The following ARHGAP15 variants were observed in gnomAD, a reference collection of about 807,000 sequenced individuals.
ARHGAP15 encodes rho GTPase-activating protein 15.
ARHGAP15 carries 51 observed loss-of-function variants against 63.7 expected under a neutral mutation model. That is an observed-to-expected ratio of 0.80 (90% CI 0.64 to 1.01). The LOEUF is 1.01. Ranked by LOEUF, ARHGAP15 falls within the 50% of genes least tolerant of loss-of-function variation. ARHGAP15 has a pLI of 0.00. For synonymous variants in ARHGAP15, 191 were observed against 193.8 expected, an observed-to-expected ratio of 0.99 and a Z score of 0.12; for missense variants, 560 against 564.6, an observed-to-expected ratio of 0.99 and a Z score of 0.08.
chr2:143,378,989 T>C (rs1325992201), intron 6 of ARHGAP15, among the ~76,000 whole-genome samples: 1 of 151,896 alleles, frequency 6.6e-6, no homozygotes, highest in Non-Finnish European at 1.5e-5. Flanking sequence ...TTTTATTTTT[T>C]ATTTATTTAT....
chr2:143,754,068 G>T (rs1686482850), intron 13 of ARHGAP15, among the ~76,000 whole-genome samples: 1 of 152,064 alleles, frequency 6.6e-6, no homozygotes, highest in African/African-American at 2.4e-5. Flanking sequence ...TTATTTTTCA[G>T]GCCCTATTCT....
chr2:143,185,433 C>T (rs935411477), intron 2 of ARHGAP15, among the ~76,000 whole-genome samples: 3 of 152,098 alleles, frequency 2.0e-5, no homozygotes, highest in African/African-American at 7.2e-5. Context: ...TCTGATTGTG[C>T]TGGGACCAGG....
At chr2:143,458,414 T>C (rs1432227042) in intron 8 of ARHGAP15, among the ~76,000 whole-genome samples, 1 of 152,148 alleles carries the variant, frequency 6.6e-6, no homozygotes, top group Non-Finnish European at 1.5e-5. Context: ...ACCCTTGTTT[T>C]CCAGGAAATT....
At chr2:143,389,109 T>TATA (rs1687428827) in intron 6 of ARHGAP15, among the ~76,000 whole-genome samples, 1 of 60,230 alleles carries the variant, frequency 1.7e-5, no homozygotes, top group Non-Finnish European at 5.2e-5. Context: ...ACTCAGACAT[T>TATA]ATTATTATTA....
chr2:143,703,354 C>G, intron 12 of ARHGAP15, 65 bp from the exon 13 acceptor site: 1 of 1,347,146 alleles, frequency 7.4e-7, no homozygotes, highest in Admixed American at 2.4e-5. Context: ...AGAAAATTTT[C>G]TCATGTACCT....
At chr2:143,335,258 A>G (rs1403200558) in intron 6 of ARHGAP15, among the ~76,000 whole-genome samples, 2 of 152,248 alleles carry the variant, frequency 1.3e-5, no homozygotes, top group Non-Finnish European at 2.9e-5. Context: ...CTGTGCAGTG[A>G]GAAAATCACT....
At chr2:143,490,224 C>T (rs1692526530) in intron 9 of ARHGAP15, among the ~76,000 whole-genome samples, 1 of 152,154 alleles carries the variant, frequency 6.6e-6, no homozygotes, top group Non-Finnish European at 1.5e-5. Flanking sequence ...TGGTCTCAAT[C>T]TCCTGACCTC....
chr2:143,463,063 T>C (rs1460148487), intron 8 of ARHGAP15, among the ~76,000 whole-genome samples: 1 of 152,046 alleles, frequency 6.6e-6, no homozygotes, highest in Non-Finnish European at 1.5e-5. Context: ...TCTTGAAACA[T>C]GAGATATTTT....
chr2:143,255,848 C>T (rs984950007), intron 6 of ARHGAP15, among the ~76,000 whole-genome samples: 6 of 151,696 alleles, frequency 4.0e-5, no homozygotes, highest in African/African-American at 7.3e-5. Flanking sequence ...TTAAAAGACA[C>T]GGCATTAAAA....
chr2:143,711,048 T>A (rs1325697913), intron 13 of ARHGAP15, among the ~76,000 whole-genome samples: 1 of 152,236 alleles, frequency 6.6e-6, no homozygotes, highest in East Asian at 1.9e-4. Flanking sequence ...GCCTGCCTCC[T>A]GTTTTTGTCA....
intron 6 of ARHGAP15, among the ~76,000 whole-genome samples, chr2:143,322,535 C>T (rs1684072061): frequency 6.6e-6 from 1 of 152,018 alleles, no homozygotes; most frequent in South Asian, 2.1e-4. Flanking sequence ...GTAATAACAA[C>T]AAAAGGGATA....
At chr2:143,335,025 C>T (rs754264433) in intron 6 of ARHGAP15, among the ~76,000 whole-genome samples, 15 of 152,096 alleles carry the variant, frequency 9.9e-5, no homozygotes, top group Admixed American at 2.0e-4. Flanking sequence ...ATCAAACTCA[C>T]GATCAAAGGA....
chr2:143,704,298 T>G (rs987280421), intron 13 of ARHGAP15, among the ~76,000 whole-genome samples: 1 of 151,868 alleles, frequency 6.6e-6, no homozygotes, highest in African/African-American at 2.4e-5. Flanking sequence ...ATTGCAAAGG[T>G]GAAGAGAGGA....
intron 1 of ARHGAP15, 23 bp from the exon 2 acceptor site, chr2:143,155,452 CAT>C (rs767196258): frequency 2.0e-6 from 3 of 1,536,516 alleles, no homozygotes; most frequent in Non-Finnish European, 2.6e-6. Flanking sequence ...TTTAGAATAA[CAT>C]AATACATTTT....
intron 2 of ARHGAP15, among the ~76,000 whole-genome samples, chr2:143,201,319 C>T (rs1692108224): frequency 6.6e-6 from 1 of 151,810 alleles, no homozygotes; most frequent in South Asian, 2.1e-4. Flanking sequence ...GTTGGAGTCT[C>T]ACTATGTTGC....
At chr2:143,635,905 G>A (rs1680288052) in intron 12 of ARHGAP15, among the ~76,000 whole-genome samples, 1 of 151,864 alleles carries the variant, frequency 6.6e-6, no homozygotes, top group African/African-American at 2.4e-5. Context: ...TCTTTTCATT[G>A]GCTTATTTAT....
At chr2:143,708,698 G>A (rs1029491674) in intron 13 of ARHGAP15, among the ~76,000 whole-genome samples, 1 of 151,952 alleles carries the variant, frequency 6.6e-6, no homozygotes, top group Non-Finnish European at 1.5e-5. Flanking sequence ...GCAGGCATAA[G>A]GAAATTGGAA....
intron 6 of ARHGAP15, among the ~76,000 whole-genome samples, chr2:143,330,623 C>T (rs1441872677): frequency 1.3e-5 from 2 of 152,150 alleles, no homozygotes; most frequent in Non-Finnish European, 2.9e-5. Context: ...AATATTGCTA[C>T]ATGGTTTATG....
At chr2:143,486,145 A>G (rs1455994656) in intron 8 of ARHGAP15, among the ~76,000 whole-genome samples, 2 of 152,184 alleles carry the variant, frequency 1.3e-5, no homozygotes, top group African/African-American at 2.4e-5. Flanking sequence ...ATCTATATTT[A>G]TTAAAAAGAA....
Sources: gnomAD v4.1 joint callset for allele counts (sites outside exome capture counted in the v4.1 genomes callset) on GRCh38, gnomAD v4.1.1 for gene constraint, MANE v1.5 for transcripts, NCBI Gene and HGNC (gene_info 2026-07-23, HGNC 2026-07-21) for gene names.